RAC1: variants seen among roughly 807,000 people sequenced by gnomAD.
The protein encoded by RAC1 is Rac family small GTPase 1, also known as ras-related C3 botulinum toxin substrate 1.
Under a neutral mutation model 25.2 loss-of-function variants are expected in RAC1, and 2 were observed. The ratio of observed to expected loss-of-function variants is 0.08; its 90% CI spans 0.03 to 0.25. The LOEUF (loss-of-function observed/expected upper bound fraction) is 0.25, where lower values mean the gene tolerates loss of function less well. Among genes scored for constraint, RAC1 ranks in the 10% least tolerant of loss-of-function variants. The pLI is 1.00. For synonymous variants in RAC1, 88 were observed against 94.0 expected, an observed-to-expected ratio of 0.94 and a Z score of 0.37; for missense variants, 50 against 235.7, an observed-to-expected ratio of 0.21 and a Z score of 5.16.
intron 1 of RAC1, among the ~76,000 whole-genome samples, chr7:6,378,083 T>C (rs1205474527): frequency 1.3e-5 from 2 of 152,142 alleles, no homozygotes; most frequent in African/African-American, 4.8e-5. Context: ...CTAGGGATGG[T>C]TCTGTCTTAT....
intron 2 of RAC1, among the ~76,000 whole-genome samples, chr7:6,390,622 A>G (rs1783066986): frequency 6.6e-6 from 1 of 151,826 alleles, no homozygotes; most frequent in African/African-American, 2.4e-5. Flanking sequence ...AATAATAATG[A>G]TAATACCACC....
Position 6,400,200 on chromosome 7 carries a change from T to A in RAC1, c.288+12T>A, listed in dbSNP as rs1443349403. The A allele has an allele frequency of 1.3e-6, 2 of 1,593,502 alleles. No individual in the cohort carries two copies. The highest frequency in any genetic ancestry group is 2.2e-4 in the Middle Eastern group (1 of 4,510). On this transcript the variant is annotated intron_variant, in intron 4 of 5. Transcript: ENST00000348035. ...ATGTCCGTGCAAAGGTAGGTGGGGA[T>A]TTAAAATGTGTATGTAAGTTATAGA...
chr7:6,390,425 C>T (rs1783058924), intron 2 of RAC1, among the ~76,000 whole-genome samples: 1 of 151,782 alleles, frequency 6.6e-6, no homozygotes, highest in African/African-American at 2.4e-5. Flanking sequence ...CATGGTGAAA[C>T]CCCATCTCTA....
chr7:6,382,284 C>A (rs836486), intron 1 of RAC1, among the ~76,000 whole-genome samples: 1 of 151,856 alleles, frequency 6.6e-6, no homozygotes, highest in African/African-American at 2.4e-5. Context: ...GCCACTGCGC[C>A]TGGCCAAGAT....
At chr7:6,383,234 G>C (rs1302499734) in intron 1 of RAC1, among the ~76,000 whole-genome samples, 1 of 152,220 alleles carries the variant, frequency 6.6e-6, no homozygotes, top group Non-Finnish European at 1.5e-5. Flanking sequence ...CCATGGAAAG[G>C]CTGTCACATT....
At chr7:6,375,641 TG>T (rs1306293053) in intron 1 of RAC1, among the ~76,000 whole-genome samples, 1 of 151,996 alleles carries the variant, frequency 6.6e-6, no homozygotes, top group African/African-American at 2.4e-5. Context: ...CCGGCTGTAA[TG>T]GGGGACTGTT....
chr7:6,395,641 C>T (rs911216080), intron 3 of RAC1, among the ~76,000 whole-genome samples: 3 of 152,282 alleles, frequency 2.0e-5, no homozygotes, highest in Non-Finnish European at 4.4e-5. Flanking sequence ...AGCACAGTCA[C>T]ACAGGTGACC....
At chr7:6,384,776 C>G (rs914479691) in intron 1 of RAC1, among the ~76,000 whole-genome samples, 4 of 151,768 alleles carry the variant, frequency 2.6e-5, no homozygotes, top group African/African-American at 9.7e-5. Context: ...GCCTAAGCCA[C>G]TGCACCAGGC....
rs374013712 is a variant in RAC1, at chr7:6,383,928, G to A, written c.36-3284G>A. Among the ~76,000 whole-genome samples the A allele has an allele frequency of 2.7e-4, 41 of 149,118 alleles. No individual in the cohort carries two copies. The Middle Eastern group carries it at 0.014, about 52-fold the overall frequency. ...AGCGACTCTCCTGCTTCAGCCTCCC[G>A]AGTAGCTGGGATTACAGGCATGCAC... On this transcript the variant is annotated intron_variant, in intron 1 of 5. Transcript: ENST00000348035.
Position 6,383,784 on chromosome 7 carries a change from C to CTTTTTTTTTTTTTTT in RAC1, c.36-3407_36-3393dup, listed in dbSNP as rs34847745. ...GTTAAGGTTTTTACACAACCTTTAT[C>CTTTTTTTTTTTTTTT]TTTTTTTTTTTTTTTTTTTTTTTTT... On this transcript the variant is annotated intron_variant, in intron 1 of 5. Transcript: ENST00000348035. Among the ~76,000 whole-genome samples the CTTTTTTTTTTTTTTT allele has an allele frequency of 4.3e-4, 17 of 39,802 alleles. 1 individual carries two copies. Among genetic ancestry groups the CTTTTTTTTTTTTTTT allele is most frequent in the Admixed American group, 7.4e-4 (2 of 2,692 alleles). 26.1% of individuals were successfully genotyped at this position (39,802 alleles called of 152,430 possible). A position where few individuals can be genotyped will look rare whatever the true frequency, so the allele number is the denominator to read the frequency against.
chr7:6,387,168 T>G (rs1332415283), intron 1 of RAC1, 44 bp from the exon 2 acceptor site: 3 of 1,221,000 alleles, frequency 2.5e-6, no homozygotes, highest in African/African-American at 3.1e-5. Flanking sequence ...AAGCTAAGAT[T>G]ACATTCATGT....
At chr7:6,388,800 T>TA (rs1022461462) in intron 2 of RAC1, among the ~76,000 whole-genome samples, 1 of 152,228 alleles carries the variant, frequency 6.6e-6, no homozygotes, top group Non-Finnish European at 1.5e-5. Context: ...CTCTTGGTGT[T>TA]AACAAACATT....
At chr7:6,399,869 C>G in intron 3 of RAC1, 1 of 528,540 alleles carries the variant, frequency 1.9e-6, no homozygotes, top group Non-Finnish European at 3.4e-6. Context: ...GTCTGATCCT[C>G]CTGATCCTTG....
intron 4 of RAC1, among the ~76,000 whole-genome samples, chr7:6,400,545 C>G (rs1287288784): frequency 5.9e-5 from 9 of 152,172 alleles, no homozygotes; most frequent in Non-Finnish European, 1.3e-4. Context: ...TGGCTTGTCT[C>G]AAACTCCTGG....
chr7:6,377,916 G>C (rs759069597), intron 1 of RAC1, among the ~76,000 whole-genome samples: 1 of 152,016 alleles, frequency 6.6e-6, no homozygotes, highest in Non-Finnish European at 1.5e-5. Context: ...TTGTTTGTTT[G>C]TTTTTAAAGG....
Position 6,403,157 on chromosome 7 carries a change from A to G in RAC1, c.*711A>G, listed in dbSNP as rs1783467990. On this transcript the variant is annotated 3_prime_UTR_variant, in exon 6 of 6. Coordinates refer to ENST00000348035, the MANE Select transcript of RAC1 (RefSeq NM_006908.5). ...GTGGGGTGTGTGTGATCAAAGGACA[A>G]AGACAGTATTTTGACAAAATACGAA... 4.6e-6 allele frequency: 1 copy of G among 218,898 alleles called. No homozygotes were observed. Among genetic ancestry groups the G allele is most frequent in the East Asian group, 6.8e-5 (1 of 14,814 alleles). 13.6% of individuals were successfully genotyped at this position (218,898 alleles called of 1,614,324 possible).
At chr7:6,381,190 C>T (rs1259130039) in intron 1 of RAC1, among the ~76,000 whole-genome samples, 2 of 152,094 alleles carry the variant, frequency 1.3e-5, no homozygotes, top group Non-Finnish European at 2.9e-5. Flanking sequence ...AGAATAGGGA[C>T]TGTGTGCAGT....
chr7:6,384,368 T>G (rs1782862819), intron 1 of RAC1, among the ~76,000 whole-genome samples: 1 of 152,222 alleles, frequency 6.6e-6, no homozygotes, highest in East Asian at 1.9e-4. Context: ...TGGAGGCTTC[T>G]TCTAAAATCC....
At chr7:6,381,455 C>T (rs10270289) in intron 1 of RAC1, among the ~76,000 whole-genome samples, 11,238 of 148,348 alleles carry the variant, frequency 0.076, 743 homozygotes, top group African/African-American at 0.17. Context: ...TGCAGTGGCA[C>T]GAAATCAGCT....
Sources: gnomAD v4.1 joint callset for allele counts (sites outside exome capture counted in the v4.1 genomes callset) on GRCh38, gnomAD v4.1.1 for gene constraint, MANE v1.5 for transcripts, NCBI Gene and HGNC (gene_info 2026-07-23, HGNC 2026-07-21) for gene names.